The following PTPRM variants were observed in gnomAD, a reference collection of about 807,000 sequenced individuals.
PTPRM encodes receptor-type tyrosine-protein phosphatase mu.
Under a neutral mutation model 186.7 loss-of-function variants are expected in PTPRM, and 47 were observed. The observed-to-expected ratio is 0.25, with a 90% CI of 0.20 to 0.32. The LOEUF (loss-of-function observed/expected upper bound fraction) is 0.32, where lower values mean the gene tolerates loss of function less well. Among genes scored for constraint, PTPRM ranks in the 10% least tolerant of loss-of-function variants. PTPRM has a pLI of 1.00. For missense variants in PTPRM, 1,494 were observed against 1,865.0 expected, an observed-to-expected ratio of 0.80 and a Z score of 3.66; for synonymous variants, 668 against 674.9, an observed-to-expected ratio of 0.99 and a Z score of 0.16.
At chr18:8,391,774 T>G (rs1319515884) in intron 31 of PTPRM, among the ~76,000 whole-genome samples, 1 of 152,252 alleles carries the variant, frequency 6.6e-6, no homozygotes, top group Non-Finnish European at 1.5e-5. Context: ...CATAATGGGC[T>G]GATCAAGCTG....
chr18:7,907,223 C>T (rs2050030772), intron 4 of PTPRM, among the ~76,000 whole-genome samples: 2 of 152,332 alleles, frequency 1.3e-5, no homozygotes, highest in African/African-American at 4.8e-5. Context: ...AGATCTGTTT[C>T]TCCCCAAACC....
chr18:7,788,689 A>T (rs1050209080), intron 2 of PTPRM, among the ~76,000 whole-genome samples: 1 of 152,240 alleles, frequency 6.6e-6, no homozygotes, highest in Non-Finnish European at 1.5e-5. Flanking sequence ...TGGATAGCAA[A>T]TCCCATAGGT....
intron 19 of PTPRM, among the ~76,000 whole-genome samples, chr18:8,265,156 G>A (rs1017155539): frequency 5.3e-5 from 8 of 152,222 alleles, no homozygotes; most frequent in East Asian, 1.9e-4. Context: ...CTGGGGCCCC[G>A]TTGACAGCGC....
At chr18:8,132,756 C>G (rs1426273341) in intron 13 of PTPRM, among the ~76,000 whole-genome samples, 3 of 152,140 alleles carry the variant, frequency 2.0e-5, no homozygotes, top group Non-Finnish European at 4.4e-5. Flanking sequence ...AGTTAACGTT[C>G]TAGTCATTGT....
rs34650813 is a variant in PTPRM at position 8,255,322 on chromosome 18, A to G, written c.2754+1908A>G. Among the ~76,000 whole-genome samples the G allele has an allele frequency of 2.9e-3, 447 of 152,302 alleles. 1 individual carries two copies. The highest frequency in any genetic ancestry group is 0.01 in the Middle Eastern group (3 of 294). On this transcript the variant is annotated intron_variant, in intron 19 of 32. Transcript: ENST00000580170. ...CAATTCATGAAATAACCTGAGCCCA[A>G]TTTTCCATGGACTATTTAAAAATAC... is the stretch of plus-strand genomic sequence containing the variant.
chr18:7,850,915 G>A (rs1254010023), intron 2 of PTPRM, among the ~76,000 whole-genome samples: 1 of 152,208 alleles, frequency 6.6e-6, no homozygotes, highest in African/African-American at 2.4e-5. Context: ...AGGAGATCCA[G>A]ATACTAGAGT....
chr18:8,023,867 C>T (rs1268820254), intron 7 of PTPRM, among the ~76,000 whole-genome samples: 4 of 145,548 alleles, frequency 2.7e-5, no homozygotes, highest in African/African-American at 1.0e-4. Flanking sequence ...CACACACACA[C>T]ACACGCACAC....
At chr18:8,086,920 T>C (rs1285267184) in intron 10 of PTPRM, among the ~76,000 whole-genome samples, 1 of 152,136 alleles carries the variant, frequency 6.6e-6, no homozygotes, top group Non-Finnish European at 1.5e-5. Flanking sequence ...AGAATTAGGT[T>C]ATAGAAACAG....
chr18:7,594,506 C>CA (rs889833260), intron 1 of PTPRM, among the ~76,000 whole-genome samples: 3 of 150,398 alleles, frequency 2.0e-5, no homozygotes, highest in Middle Eastern at 3.4e-3. Context: ...ACCAAACAAA[C>CA]AAAAAAAAGA....
At chr18:8,092,831 C>T (rs539921147) in intron 11 of PTPRM, among the ~76,000 whole-genome samples, 167 of 152,084 alleles carry the variant, frequency 1.1e-3, no homozygotes, top group African/African-American at 3.6e-3. Flanking sequence ...CAAAAACAAA[C>T]AAACAAAAAA....
At chr18:7,636,600 G>A (rs1347553632) in intron 1 of PTPRM, among the ~76,000 whole-genome samples, 1 of 152,126 alleles carries the variant, frequency 6.6e-6, no homozygotes, top group Non-Finnish European at 1.5e-5. Context: ...AGCCTAAGGG[G>A]GAGATGAGAC....
intron 26 of PTPRM, 101 bp downstream of exon 26, chr18:8,376,698 T>G (rs1780042148): frequency 1.5e-6 from 2 of 1,361,860 alleles, no homozygotes; most frequent in African/African-American, 2.9e-5. Flanking sequence ...GGCAATTATC[T>G]GTTCAAGTGA....
Position 8,209,989 on chromosome 18 carries a change from T to TAAAAAA in PTPRM, c.2301-34044_2301-34039dup, listed in dbSNP as rs67547673. Among the ~76,000 whole-genome samples the TAAAAAA allele has an allele frequency of 4.8e-3, 380 of 78,664 alleles. 10 individuals are homozygous for TAAAAAA. The highest frequency in any genetic ancestry group is 8.0e-3 in the South Asian group (13 of 1,626). The allele number at this position is 78,664 out of a possible 152,430, so 51.6% of individuals were successfully genotyped here. On this transcript the variant is annotated intron_variant, in intron 14 of 32. Coordinates refer to ENST00000580170, the MANE Select transcript of PTPRM (RefSeq NM_001105244.2). ...TGTATCCCGGAACTTGAAGTAAAAT[T>TAAAAAA]AAAAAAAAAAAAAAAAAAAAAAAAA... is the stretch of plus-strand genomic sequence containing the variant.
chr18:7,842,947 T>TATATAGAGAGAGAGAGAGAGAGAG (rs370746043), intron 2 of PTPRM, among the ~76,000 whole-genome samples: 3 of 112,130 alleles, frequency 2.7e-5, no homozygotes, highest in African/African-American at 8.4e-5. Context: ...TATATATATA[T>TATATAGAGAGAGAGAGAGAGAGAG]AGAGAGAGAG....
At chr18:7,689,365 G>C (rs2039683102) in intron 1 of PTPRM, among the ~76,000 whole-genome samples, 1 of 152,196 alleles carries the variant, frequency 6.6e-6, no homozygotes, top group Non-Finnish European at 1.5e-5. Flanking sequence ...CACATCAGGT[G>C]CACGCACCCT....
chr18:7,642,237 T>C (rs2038460073), intron 1 of PTPRM, among the ~76,000 whole-genome samples: 1 of 152,204 alleles, frequency 6.6e-6, no homozygotes, highest in Non-Finnish European at 1.5e-5. Flanking sequence ...TTCCAGTTTT[T>C]TTCCTGGGAA....
At chr18:7,618,257 G>A (rs993113318) in intron 1 of PTPRM, among the ~76,000 whole-genome samples, 1 of 152,164 alleles carries the variant, frequency 6.6e-6, no homozygotes, top group Non-Finnish European at 1.5e-5. Context: ...TGTTCCCTGA[G>A]GGAAGAGTCC....
At chr18:8,289,561 CACATAT>C (rs1230279390) in intron 19 of PTPRM, among the ~76,000 whole-genome samples, 20 of 76,860 alleles carry the variant, frequency 2.6e-4, no homozygotes, top group African/African-American at 1.2e-3. Context: ...CATATATATA[CACATAT>C]ATATATATAC....
chr18:7,838,543 C>A (rs1295208733), intron 2 of PTPRM, among the ~76,000 whole-genome samples: 1 of 152,234 alleles, frequency 6.6e-6, no homozygotes, highest in Non-Finnish European at 1.5e-5. Context: ...TTGTTCTAAG[C>A]CACCTGGAGC....
Sources: allele counts gnomAD v4.1 joint callset (sites outside exome capture counted in the v4.1 genomes callset), GRCh38; gene constraint gnomAD v4.1.1; transcripts MANE v1.5; gene names NCBI Gene and HGNC (gene_info 2026-07-23, HGNC 2026-07-21).